PAM: variants seen among roughly 807,000 people sequenced by gnomAD.
PAM encodes the protein peptidylglycine alpha-amidating monooxygenase.
PAM carries 72 observed loss-of-function variants against 122.1 expected under a neutral mutation model. That is an observed-to-expected ratio of 0.59 (90% confidence interval 0.49 to 0.72). The LOEUF is 0.72. PAM is among the 30% of genes least tolerant of loss of function. The pLI, the probability that PAM is intolerant of heterozygous loss-of-function variation, is 0.00. For missense variants in PAM, 1,106 were observed against 1,183.7 expected (o/e 0.93, Z 0.96); for synonymous variants, 389 against 404.4 (o/e 0.96, Z 0.46).
At chr5:103,020,275 A>G (rs1405054530) in intron 23 of PAM, among the ~76,000 whole-genome samples, 2 of 152,102 alleles carry the variant, frequency 1.3e-5, no homozygotes, top group African/African-American at 4.8e-5. Context: ...AATGGTATGG[A>G]AAGATTAGCT....
At chr5:102,913,818 A>G in intron 4 of PAM, 116 bp from the exon 5 acceptor site, 1 of 633,366 alleles carries the variant, frequency 1.6e-6, no homozygotes, top group Non-Finnish European at 2.9e-6. Context: ...TGATCACAAG[A>G]ACATCAAAAC....
At chr5:103,028,695 T>C (rs943224239) in intron 25 of PAM, among the ~76,000 whole-genome samples, 192 bp from the exon 26 acceptor site, 2 of 152,208 alleles carry the variant, frequency 1.3e-5, no homozygotes, top group African/African-American at 4.8e-5. Flanking sequence ...GGAGCTTTTG[T>C]TTTTCTTCTT....
At chr5:102,850,168 G>C (rs931664455) in intron 1 of PAM, among the ~76,000 whole-genome samples, 2 of 152,048 alleles carry the variant, frequency 1.3e-5, no homozygotes, top group African/African-American at 4.8e-5. Flanking sequence ...GCTAAGTTTG[G>C]GGATATAACA....
At chr5:102,794,918 G>A (rs905660627) in intron 1 of PAM, among the ~76,000 whole-genome samples, 2 of 151,562 alleles carry the variant, frequency 1.3e-5, no homozygotes, top group African/African-American at 2.4e-5. Flanking sequence ...GGCCAGGTGC[G>A]GTGGCTCACA....
At chr5:102,899,093 CCT>C (rs1299831152) in intron 3 of PAM, among the ~76,000 whole-genome samples, 3 of 151,414 alleles carry the variant, frequency 2.0e-5, no homozygotes, top group East Asian at 2.0e-4. Flanking sequence ...CTTTACCCCA[CCT>C]CTCTCTTTCT....
At chr5:102,766,837 A>G (rs895272426) in intron 1 of PAM, among the ~76,000 whole-genome samples, 1 of 150,946 alleles carries the variant, frequency 6.6e-6, no homozygotes, top group Non-Finnish European at 1.5e-5. Flanking sequence ...TTATACTGAC[A>G]TTAGTGAAAA....
rs748161430 is a variant in PAM, at chr5:102,924,938, T to A, written c.357-19T>A. ...TCACTATTTAAATCTTCATTTATAC[T>A]ACTTTTTATTTTCTTCAGGTTTTGT... is the stretch of plus-strand genomic sequence containing the variant. On this transcript the variant is annotated intron_variant, in intron 5 of 25. Transcript: ENST00000438793. The A allele has an allele frequency of 3.2e-6, 4 of 1,234,680 alleles. No homozygotes were observed. The highest frequency in any genetic ancestry group is 4.8e-6 in the Non-Finnish European group (4 of 833,408). The allele number at this position is 1,234,680 out of a possible 1,614,324, so 76.5% of individuals were successfully genotyped here.
chr5:102,807,552 G>A (rs1336280607), intron 1 of PAM, among the ~76,000 whole-genome samples: 1 of 152,164 alleles, frequency 6.6e-6, no homozygotes, highest in African/African-American at 2.4e-5. Flanking sequence ...CGCTGGAGGT[G>A]TTTTCTGGAT....
chr5:102,829,739 A>G (rs184255669), intron 1 of PAM, among the ~76,000 whole-genome samples: 24 of 152,280 alleles, frequency 1.6e-4, no homozygotes, highest in Non-Finnish European at 2.9e-4. Flanking sequence ...AATGCCTTTT[A>G]TCTACTTTAT....
chr5:102,835,777 A>T (rs1776850387), intron 1 of PAM, among the ~76,000 whole-genome samples: 1 of 152,176 alleles, frequency 6.6e-6, no homozygotes, highest in Admixed American at 6.6e-5. Context: ...CAAAGAAAAT[A>T]GCATAAATAA....
rs1197067293 is a variant in PAM, at chr5:102,943,052, T to C, written c.527-3785T>C. ...CACCTTCATAGAAGAGTGTGGTGAATTGAAAATCACTCTACAAATGTCTTT... is the reference window on the plus strand; with the variant it reads ...CACCTTCATAGAAGAGTGTGGTGAACTGAAAATCACTCTACAAATGTCTTT... On this transcript the variant is annotated intron_variant, in intron 7 of 25. Coordinates refer to ENST00000438793, the MANE Select transcript of PAM (RefSeq NM_001177306.2). 2.6e-5 allele frequency among the ~76,000 whole-genome samples: 4 copies of C among 152,146 alleles called. No homozygotes were observed. The East Asian group carries it at 5.8e-4, about 22-fold the overall frequency.
rs114269410 is a variant in PAM, at chr5:102,877,890, C to A, written c.210+10497C>A. The stretch of plus-strand genomic sequence containing the variant: ...CAAAAATTTAAAACAATTAGCTGGG[C>A]GTGGTGGTGTGTGTCTGTAGTCCTA... On this transcript the variant is annotated intron_variant, in intron 3 of 25. Transcript: ENST00000438793. Among the ~76,000 whole-genome samples the A allele has an allele frequency of 6.9e-3, 1,049 of 151,796 alleles. 14 individuals carry two copies. The highest frequency in any genetic ancestry group is 0.024 in the African/African-American group (1,008 of 41,394).
intron 1 of PAM, among the ~76,000 whole-genome samples, chr5:102,840,149 T>C (rs1778204385): frequency 6.6e-6 from 1 of 152,186 alleles, no homozygotes; most frequent in Admixed American, 6.5e-5. Flanking sequence ...ATACATTGTA[T>C]TTTCTTAGAA....
At chr5:103,029,942 G>A (rs1263706071), downstream of PAM, 1 of 152,062 alleles carries the variant, frequency 6.6e-6, no homozygotes, top group Non-Finnish European at 1.5e-5. Flanking sequence ...TCCAAAGAGG[G>A]TTTTTGCCTA....
intron 3 of PAM, among the ~76,000 whole-genome samples, chr5:102,871,735 ATT>A: frequency 6.8e-6 from 1 of 146,796 alleles, no homozygotes; most frequent in African/African-American, 2.5e-5. Context: ...ATTTATATAT[ATT>A]ATATATATAT....
intron 4 of PAM, among the ~76,000 whole-genome samples, chr5:102,912,735 T>C (rs148960842): frequency 9.5e-4 from 144 of 152,130 alleles, no homozygotes; most frequent in Non-Finnish European, 1.6e-3. Context: ...CCTCAAGTTA[T>C]AGCAAGTCCA....
Position 102,782,132 on chromosome 5 carries a change from A to G in PAM, c.-374+26784A>G, listed in dbSNP as rs564022282. On this transcript the variant is annotated intron_variant, in intron 1 of 25. Transcript: ENST00000438793. The stretch of plus-strand genomic sequence containing the variant: ...GGAGCTCAACATTTGGAGAATTTCA[A>G]ACCTGAACACTTTAGAACACATTAT... Among the ~76,000 whole-genome samples, 65 of 152,352 alleles carry G rather than the reference A, an allele frequency of 4.3e-4. 1 individual carries two copies. Among genetic ancestry groups the G allele is most frequent in the South Asian group, 6.2e-4 (3 of 4,830 alleles).
At chr5:102,806,679 G>A (rs1766316952) in intron 1 of PAM, among the ~76,000 whole-genome samples, 1 of 152,116 alleles carries the variant, frequency 6.6e-6, no homozygotes, top group African/African-American at 2.4e-5. Context: ...AAGAACAAAT[G>A]AAAGAATAGG....
chr5:102,832,077 A>C (rs1211088668), intron 1 of PAM, among the ~76,000 whole-genome samples: 1 of 152,172 alleles, frequency 6.6e-6, no homozygotes, highest in Non-Finnish European at 1.5e-5. Flanking sequence ...GTGGTTCTTC[A>C]GAATCTGAAA....
Sources: gnomAD v4.1 joint callset for allele counts (sites outside exome capture counted in the v4.1 genomes callset) on GRCh38, gnomAD v4.1.1 for gene constraint, MANE v1.5 for transcripts, NCBI Gene and HGNC (gene_info 2026-07-23, HGNC 2026-07-21) for gene names.